The following PDZRN4 variants were observed in gnomAD, a reference collection of about 807,000 sequenced individuals.
PDZRN4 encodes PDZ domain-containing RING finger protein 4.
A neutral mutation model predicts 99.0 loss-of-function variants in PDZRN4; 70 were observed. That is an observed-to-expected ratio of 0.71 (90% CI 0.58 to 0.86). PDZRN4 has a LOEUF of 0.86. PDZRN4 is among the 40% of genes least tolerant of loss of function. The pLI is 0.00. For synonymous variants in PDZRN4, 551 were observed against 501.6 expected, an observed-to-expected ratio of 1.10 and a Z score of -1.32; for missense variants, 1,474 against 1,331.2, an observed-to-expected ratio of 1.11 and a Z score of -1.67.
chr12:41,524,703 T>C (rs1270743233), intron 5 of PDZRN4, among the ~76,000 whole-genome samples: 1 of 152,188 alleles, frequency 6.6e-6, no homozygotes, highest in Middle Eastern at 3.2e-3. Flanking sequence ...TTAGAGGGAT[T>C]TAAGAAGGAA....
intron 3 of PDZRN4, chr12:41,473,287 G>T (rs1953010489): frequency 6.6e-6 from 1 of 152,002 alleles, no homozygotes; most frequent in African/African-American, 2.4e-5. Context: ...GGAGATGCAA[G>T]GATTCAAAAA....
rs1259418018 is a variant in PDZRN4 at position 41,572,557 on chromosome 12, A to G, written c.1778A>G (p.Asp593Gly). 2 of 1,614,040 alleles carry G rather than the reference A, an allele frequency of 1.2e-6. No individual in the cohort carries two copies. The highest frequency in any genetic ancestry group is 1.7e-6 in the Non-Finnish European group (2 of 1,180,024). The change falls in exon 10 of 10, where the codon GAC becomes GGC. Residue 593 changes from aspartate to glycine, a missense_variant. Transcript: ENST00000402685. The stretch of plus-strand genomic sequence containing the variant: ...AAGAGAGACCTGGGGCAGAGCCAAG[A>G]CACTCTGGGAAGTGTTGAACTTCAG... ...KSKRDLGQSQ[D>G]TLGSVELQYN...
At chr12:41,477,497 G>A (rs1937613747) in intron 3 of PDZRN4, among the ~76,000 whole-genome samples, 1 of 152,198 alleles carries the variant, frequency 6.6e-6, no homozygotes, top group Admixed American at 6.5e-5. Context: ...AGCCGAAAAG[G>A]ATGGTGAAAA....
At chr12:41,506,862 T>A in intron 4 of PDZRN4, 150 bp downstream of exon 4, 1 of 828,432 alleles carries the variant, frequency 1.2e-6, no homozygotes, top group Non-Finnish European at 1.8e-6. Context: ...TGTTTTGATA[T>A]GTGCAATTAG....
chr12:41,256,372 G>C (rs1363539451), intron 3 of PDZRN4, among the ~76,000 whole-genome samples: 2 of 152,016 alleles, frequency 1.3e-5, no homozygotes, highest in Non-Finnish European at 2.9e-5. Flanking sequence ...AAAAAATTAA[G>C]AAGTGTGGCA....
At chr12:41,338,582 A>G (rs1472716926) in intron 3 of PDZRN4, among the ~76,000 whole-genome samples, 1 of 152,054 alleles carries the variant, frequency 6.6e-6, no homozygotes, top group East Asian at 1.9e-4. Context: ...AAAAAAAGAG[A>G]AGACCCAAAT....
At chr12:41,354,065 T>C (rs1001622599) in intron 3 of PDZRN4, among the ~76,000 whole-genome samples, 2 of 152,080 alleles carry the variant, frequency 1.3e-5, no homozygotes, top group Non-Finnish European at 2.9e-5. Context: ...TGGGCCATAT[T>C]AACAAGGCAG....
At chr12:41,340,648 T>C (rs2121013676) in intron 3 of PDZRN4, among the ~76,000 whole-genome samples, 1 of 151,986 alleles carries the variant, frequency 6.6e-6, no homozygotes, top group South Asian at 2.1e-4. Context: ...CCCTTTACCC[T>C]GATGTGATTA....
chr12:41,292,171 T>G (rs1270380244), intron 3 of PDZRN4, among the ~76,000 whole-genome samples: 1 of 152,164 alleles, frequency 6.6e-6, no homozygotes, highest in Non-Finnish European at 1.5e-5. Flanking sequence ...AACTATGAAG[T>G]TATAAATTGC....
chr12:41,351,553 A>C (rs1951890527), intron 3 of PDZRN4, among the ~76,000 whole-genome samples: 1 of 152,024 alleles, frequency 6.6e-6, no homozygotes, highest in African/African-American at 2.4e-5. Context: ...AAGGGGAAGC[A>C]AGCACATCTT....
chr12:41,359,986 T>C lies in PDZRN4; in HGVS notation c.844-146470T>C, dbSNP rs565984210. Among the ~76,000 whole-genome samples the C allele has an allele frequency of 1.4e-4, 21 of 152,092 alleles. No homozygotes were observed. The South Asian group carries it at 4.1e-3, about 30-fold the overall frequency. ...TTTCCATCGGGGGATAATCAACATA[T>C]GCCTGCACACTCTTCCTTTCTACTT... On this transcript the variant is annotated intron_variant, in intron 3 of 9. Coordinates refer to ENST00000402685, the MANE Select transcript of PDZRN4 (RefSeq NM_001164595.2).
chr12:41,328,055 CG>C (rs1348852966), intron 3 of PDZRN4, among the ~76,000 whole-genome samples: 7 of 151,886 alleles, frequency 4.6e-5, no homozygotes, highest in Non-Finnish European at 1.5e-5. Context: ...GGAATTCAAA[CG>C]GTATTTAATG....
intron 3 of PDZRN4, among the ~76,000 whole-genome samples, chr12:41,350,439 C>T (rs954656393): frequency 1.3e-5 from 2 of 151,994 alleles, no homozygotes; most frequent in Non-Finnish European, 2.9e-5. Flanking sequence ...GTCCTTAAAG[C>T]ACTCAAGGTA....
chr12:41,460,558 A>G (rs561932866), intron 3 of PDZRN4, among the ~76,000 whole-genome samples: 16 of 152,356 alleles, frequency 1.1e-4, no homozygotes, highest in Admixed American at 6.5e-4. Context: ...GTATGGAGAA[A>G]TAACTGGCTT....
rs190970076 is a variant in PDZRN4, at chr12:41,247,873, G to A, written c.843+53685G>A. ...TCAAACTAAGATTTTAGAAGATCCT[G>A]ATTTAAGTTAATATACTTGGGACAT... On this transcript the variant is annotated intron_variant, in intron 3 of 9. Coordinates refer to ENST00000402685, the MANE Select transcript of PDZRN4 (RefSeq NM_001164595.2). 8.5e-5 allele frequency among the ~76,000 whole-genome samples: 13 copies of A among 152,306 alleles called. No homozygotes were observed. The East Asian group carries it at 2.3e-3, about 27-fold the overall frequency.
intron 3 of PDZRN4, among the ~76,000 whole-genome samples, chr12:41,226,967 T>G (rs1950999133): frequency 6.6e-6 from 1 of 152,182 alleles, no homozygotes; most frequent in African/African-American, 2.4e-5. Context: ...GTTTCTTGCC[T>G]GTTTGTATCA....
chr12:41,337,917 C>A (rs1246042510), intron 3 of PDZRN4, among the ~76,000 whole-genome samples: 1 of 152,030 alleles, frequency 6.6e-6, no homozygotes, highest in Non-Finnish European at 1.5e-5. Flanking sequence ...TTCCTATGTG[C>A]TGTCTTTTTT....
At chr12:41,473,634 A>ATTATCTCTTG (rs1408968269) in intron 3 of PDZRN4, 1 of 152,080 alleles carries the variant, frequency 6.6e-6, no homozygotes, top group African/African-American at 2.4e-5. Context: ...ACTCCTGTTG[A>ATTATCTCTTG]TTATCTCTTG....
intron 8 of PDZRN4, among the ~76,000 whole-genome samples, chr12:41,565,793 G>A (rs1939359894): frequency 6.6e-6 from 1 of 152,008 alleles, no homozygotes; most frequent in South Asian, 2.1e-4. Context: ...CAGGACACTG[G>A]GGCAGAGAGG....
Sources: gnomAD v4.1 joint callset for allele counts (sites outside exome capture counted in the v4.1 genomes callset) on GRCh38, gnomAD v4.1.1 for gene constraint, MANE v1.5 for transcripts, NCBI Gene and HGNC (gene_info 2026-07-23, HGNC 2026-07-21) for gene names.